Variants in DMD observed in about 807,000 individuals in gnomAD.
DMD encodes dystrophin.
A neutral mutation model predicts 330.1 loss-of-function variants in DMD; 63 were observed. The observed-to-expected ratio is 0.19, with a 90% CI of 0.16 to 0.24. The LOEUF is 0.24. DMD is among the 10% of genes least tolerant of loss of function. The probability of loss-of-function intolerance (pLI) is 1.00; values close to 1 mark genes in which losing one functional copy is unlikely to be tolerated. For synonymous variants in DMD, 1,223 were observed against 959.8 expected (o/e 1.27, Z -5.07); for missense variants, 3,344 against 2,684.1 (o/e 1.25, Z -5.43).
intron 52 of DMD, among the ~76,000 whole-genome samples, chrX:31,714,156 T>C (rs5025353): frequency 0.16 from 17,579 of 111,285 alleles, 1,226 homozygotes; most frequent in Admixed American, 0.32. Flanking sequence ...AGGAAGCATT[T>C]GATGACTGTT....
At chrX:31,910,603 G>C (rs1603580796) in intron 47 of DMD, among the ~76,000 whole-genome samples, 1 of 111,860 alleles carries the variant, frequency 8.9e-6, no homozygotes, top group African/African-American at 3.3e-5. Flanking sequence ...AGAAACTAAC[G>C]AACGTTGTAA....
chrX:31,530,049 T>C (rs2073602747), intron 55 of DMD, among the ~76,000 whole-genome samples: 1 of 112,052 alleles, frequency 8.9e-6, no homozygotes, highest in African/African-American at 3.2e-5. Flanking sequence ...TTACTTTAAA[T>C]TTTCCTTTAC....
At chrX:33,314,222 A>AT (rs773506240) in intron 1 of DMD, among the ~76,000 whole-genome samples, 1 of 110,651 alleles carries the variant, frequency 9.0e-6, no homozygotes, top group Admixed American at 9.7e-5. Flanking sequence ...ATAAATTACC[A>AT]TGAACTTAGT....
intron 52 of DMD, among the ~76,000 whole-genome samples, chrX:31,715,550 A>AAT (rs2148935165): frequency 9.2e-6 from 1 of 108,714 alleles, no homozygotes; most frequent in African/African-American, 3.3e-5. Flanking sequence ...CTCAAAAAAA[A>AAT]AAAAAAAAAA....
At chrX:32,808,311 G>T (rs1029677105) in intron 7 of DMD, among the ~76,000 whole-genome samples, 2 of 112,288 alleles carry the variant, frequency 1.8e-5, no homozygotes, top group East Asian at 2.8e-4. Flanking sequence ...CATTTTTGTT[G>T]TAATTTGCTT....
intron 29 of DMD, chrX:32,412,333 A>T (rs933815013): frequency 1.7e-6 from 1 of 603,870 alleles, no homozygotes; most frequent in Middle Eastern, 7.3e-4. Context: ...ATCTGCTTCC[A>T]CCAGTGAGAT....
intron 7 of DMD, among the ~76,000 whole-genome samples, chrX:32,721,393 C>T (rs1184537129): frequency 1.2e-4 from 13 of 109,894 alleles, no homozygotes; most frequent in Admixed American, 6.9e-4. Context: ...TTAGATAATA[C>T]TCATCCTAAC....
At chrX:32,141,555 C>G (rs1052579071) in intron 44 of DMD, among the ~76,000 whole-genome samples, 2 of 111,714 alleles carry the variant, frequency 1.8e-5, no homozygotes, top group Non-Finnish European at 3.8e-5. Flanking sequence ...AACCCCAAAC[C>G]TGCAATTTTT....
At chrX:32,498,257 C>A (rs1443466138) in intron 19 of DMD, among the ~76,000 whole-genome samples, 2 of 111,327 alleles carry the variant, frequency 1.8e-5, no homozygotes, top group African/African-American at 6.5e-5. Flanking sequence ...AGGTACTTTG[C>A]ACCATCCAAT....
chrX:32,368,627 C>T (rs2097862422), intron 34 of DMD, among the ~76,000 whole-genome samples: 1 of 111,739 alleles, frequency 8.9e-6, no homozygotes, highest in South Asian at 3.7e-4. Flanking sequence ...CAACCTAGAG[C>T]TATTGCCTTG....
chrX:33,126,471 A>T (rs2095465710), intron 1 of DMD, among the ~76,000 whole-genome samples: 1 of 111,444 alleles, frequency 9.0e-6, no homozygotes, highest in Non-Finnish European at 1.9e-5. Context: ...GGTGGCATCC[A>T]GCAAGCTGTG....
intron 7 of DMD, among the ~76,000 whole-genome samples, chrX:32,731,234 T>G (rs938204835): frequency 1.8e-5 from 2 of 112,309 alleles, no homozygotes; most frequent in African/African-American, 6.5e-5. Context: ...CAGGAGATTA[T>G]ATCCTGCATC....
intron 44 of DMD, among the ~76,000 whole-genome samples, chrX:32,041,296 T>A (rs1405113554): frequency 8.9e-6 from 1 of 111,885 alleles, no homozygotes; most frequent in African/African-American, 3.3e-5. Context: ...ATTGAAAATC[T>A]GTCAAGGCAG....
At chrX:32,313,248 C>T (rs761646688) in intron 41 of DMD, among the ~76,000 whole-genome samples, 4 of 110,657 alleles carry the variant, frequency 3.6e-5, no homozygotes, top group Non-Finnish European at 7.6e-5. Flanking sequence ...GTTCAACATA[C>T]GCAAATCAAT....
intron 60 of DMD, among the ~76,000 whole-genome samples, chrX:31,432,201 AT>A (rs1254544208): frequency 1.8e-5 from 2 of 111,591 alleles, no homozygotes; most frequent in East Asian, 5.6e-4. Flanking sequence ...AAAGATCAGG[AT>A]TTTTTTTCAC....
chrX:32,463,757 C>T (rs1212160482), intron 24 of DMD, among the ~76,000 whole-genome samples, 163 bp from the exon 25 acceptor site: 1 of 112,015 alleles, frequency 8.9e-6, no homozygotes, highest in Non-Finnish European at 1.9e-5. Flanking sequence ...GACTGCCTAA[C>T]AGTCTTGCAA....
At chrX:32,504,077 G>C (rs1326125479) in intron 18 of DMD, among the ~76,000 whole-genome samples, 3 of 111,697 alleles carry the variant, frequency 2.7e-5, no homozygotes, top group East Asian at 5.6e-4. Flanking sequence ...AGGCAATACA[G>C]TGGAGAAAAA....
At chrX:31,133,672 TC>T (rs1228865467) in intron 77 of DMD, among the ~76,000 whole-genome samples, 5 of 111,709 alleles carry the variant, frequency 4.5e-5, no homozygotes, top group Non-Finnish European at 9.4e-5. Context: ...CAAGTCAGAA[TC>T]TCTACCACTA....
intron 7 of DMD, among the ~76,000 whole-genome samples, chrX:32,757,832 G>T (rs1199411691): frequency 9.0e-6 from 1 of 111,728 alleles, no homozygotes; most frequent in African/African-American, 3.3e-5. Flanking sequence ...ATTTTGAACA[G>T]TAGATGCCTC....
Sources: allele counts gnomAD v4.1 joint callset (sites outside exome capture counted in the v4.1 genomes callset), GRCh38; gene constraint gnomAD v4.1.1; transcripts MANE v1.5; gene names NCBI Gene and HGNC (gene_info 2026-07-23, HGNC 2026-07-21).